The following WDPCP variants were observed in gnomAD, a reference collection of about 807,000 sequenced individuals.
The protein encoded by WDPCP is WD repeat containing planar cell polarity effector.
A neutral mutation model predicts 93.1 loss-of-function variants in WDPCP; 71 were observed. The ratio of observed to expected loss-of-function variants is 0.76; its 90% CI spans 0.63 to 0.93. The LOEUF (loss-of-function observed/expected upper bound fraction) is 0.93. WDPCP is among the 40% of genes least tolerant of loss of function. WDPCP has a pLI of 0.00. For synonymous variants in WDPCP, 315 were observed against 315.0 expected, an observed-to-expected ratio of 1.00 and a Z score of 0.00; for missense variants, 844 against 887.4, an observed-to-expected ratio of 0.95 and a Z score of 0.62.
intron 6 of WDPCP, among the ~76,000 whole-genome samples, chr2:63,483,777 A>C (rs1360858156): frequency 6.6e-6 from 1 of 151,982 alleles, no homozygotes; most frequent in Non-Finnish European, 1.5e-5. Context: ...TCAATTCCAC[A>C]GATGACTAAT....
intron 6 of WDPCP, among the ~76,000 whole-genome samples, chr2:63,467,279 A>T (rs1035055902): frequency 2.6e-5 from 4 of 151,972 alleles, no homozygotes; most frequent in African/African-American, 9.7e-5. Flanking sequence ...CAGGAGTTTG[A>T]GAGCAGCCTG....
intron 2 of WDPCP, among the ~76,000 whole-genome samples, chr2:63,750,446 C>G (rs1028477587): frequency 4.0e-5 from 6 of 151,852 alleles, no homozygotes; most frequent in Non-Finnish European, 7.4e-5. Context: ...AAAAAAAAAC[C>G]TGAATACAGA....
intron 2 of WDPCP, among the ~76,000 whole-genome samples, chr2:63,681,225 A>G (rs1405668443): frequency 2.6e-5 from 4 of 152,154 alleles, no homozygotes; most frequent in Admixed American, 2.6e-4. Flanking sequence ...GACGTACAGC[A>G]CCAACAGGGC....
At chr2:63,349,756 C>T (rs184217401) in intron 12 of WDPCP, among the ~76,000 whole-genome samples, 38 of 152,206 alleles carry the variant, frequency 2.5e-4, no homozygotes, top group East Asian at 7.7e-4. Context: ...AATACCTTTA[C>T]GAAAAGGGAG....
chr2:63,316,920 A>C (rs1407838083), intron 12 of WDPCP, among the ~76,000 whole-genome samples: 1 of 152,182 alleles, frequency 6.6e-6, no homozygotes, highest in African/African-American at 2.4e-5. Context: ...CTGAGAGCCA[A>C]ATCAAGAATG....
intron 2 of WDPCP, among the ~76,000 whole-genome samples, chr2:63,701,287 A>G (rs184639102): frequency 2.6e-5 from 4 of 152,326 alleles, no homozygotes; most frequent in Admixed American, 2.6e-4. Flanking sequence ...AGAGAAATGC[A>G]AATCAAAATC....
intron 1 of WDPCP, among the ~76,000 whole-genome samples, chr2:63,504,444 C>T (rs568453833): frequency 6.6e-6 from 1 of 151,554 alleles, no homozygotes. Context: ...CCATGTATCT[C>T]CTCTCCCATA....
Position 63,154,477 on chromosome 2 carries a change from C to G in WDPCP, c.2079-903G>C, listed in dbSNP as rs181068749. Among the ~76,000 whole-genome samples the G allele has an allele frequency of 6.8e-4, 103 of 152,226 alleles. 1 individual carries two copies. The highest frequency in any genetic ancestry group is 2.4e-3 in the African/African-American group (98 of 41,550). The stretch of plus-strand genomic sequence containing the variant: ...TTCATCCAAGTTGTTAAACGTGTAT[C>G]AATGGTTCACTGCTTTTTATTGCTG... On this transcript the variant is annotated intron_variant, in intron 15 of 17. Coordinates refer to ENST00000272321, the MANE Select transcript of WDPCP (RefSeq NM_015910.7).
rs1038432477 is a variant in WDPCP, at chr2:63,334,645, C to T, written c.1749-21334G>A. Among the ~76,000 whole-genome samples the T allele has an allele frequency of 1.1e-4, 17 of 152,224 alleles. No individual in the cohort carries two copies. The East Asian group carries it at 3.3e-3, about 30-fold the overall frequency. Reference sequence around the variant, plus strand: ...AAGCAGTTCCCAGCTTGACTTTTCCCTTTAGCTTAGTGAGTTTGGGGCCCC... The same window carrying T: ...AAGCAGTTCCCAGCTTGACTTTTCCTTTTAGCTTAGTGAGTTTGGGGCCCC... On this transcript the variant is annotated intron_variant, in intron 12 of 17. Coordinates refer to ENST00000272321, the MANE Select transcript of WDPCP (RefSeq NM_015910.7).
At chr2:63,489,067 A>G (rs1700725602) in intron 2 of WDPCP, among the ~76,000 whole-genome samples, 1 of 152,108 alleles carries the variant, frequency 6.6e-6, no homozygotes, top group Non-Finnish European at 1.5e-5. Context: ...ATTAGAGGCT[A>G]AACAAGGTAA....
intron 12 of WDPCP, among the ~76,000 whole-genome samples, chr2:63,348,976 T>C (rs537641710): frequency 6.6e-6 from 1 of 152,298 alleles, no homozygotes; most frequent in East Asian, 1.9e-4. Context: ...TAGTGAGATG[T>C]CCATAGAAGT....
At chr2:63,275,176 CAG>C (rs1377024140) in intron 13 of WDPCP, among the ~76,000 whole-genome samples, 2 of 151,970 alleles carry the variant, frequency 1.3e-5, no homozygotes, top group Non-Finnish European at 2.9e-5. Context: ...CGATAAAAAA[CAG>C]AATGAAGGAC....
In WDPCP at chr2:63,542,681, T is replaced by G. The variant is rs1704834507; in HGVS notation, c.75+45516A>C. ...TTAATTACATGTTTCATTCCAAAAG[T>G]TTCAAAGGAAACTTAAAATAAATTT... On this transcript the variant is annotated intron_variant, in intron 1 of 17. Transcript: ENST00000272321. 2.0e-5 allele frequency among the ~76,000 whole-genome samples: 3 copies of G among 152,158 alleles called. No individual in the cohort carries two copies. In the South Asian group the frequency reaches 6.2e-4, roughly 31 times the overall value.
chr2:63,770,232 C>A (rs1389168387), intron 2 of WDPCP, among the ~76,000 whole-genome samples: 2 of 151,928 alleles, frequency 1.3e-5, no homozygotes, highest in African/African-American at 4.8e-5. Context: ...CCACCCTGAA[C>A]GTGTCCAATC....
chr2:63,491,483 T>A (rs1472325866), intron 2 of WDPCP, among the ~76,000 whole-genome samples: 2 of 152,196 alleles, frequency 1.3e-5, no homozygotes, highest in African/African-American at 4.8e-5. Flanking sequence ...TTCTCGGGTC[T>A]TGCAGTCATT....
At chr2:63,156,786 A>G (rs565954965) in intron 15 of WDPCP, among the ~76,000 whole-genome samples, 5 of 152,306 alleles carry the variant, frequency 3.3e-5, no homozygotes, top group African/African-American at 1.2e-4. Flanking sequence ...TGTTGACCAT[A>G]TATCTTGTGA....
intron 3 of WDPCP, among the ~76,000 whole-genome samples, chr2:63,629,710 A>G (rs1709844854): frequency 6.6e-6 from 1 of 152,164 alleles, no homozygotes; most frequent in Non-Finnish European, 1.5e-5. Context: ...GGAGCCCTCA[A>G]CCCCACTTGG....
intron 2 of WDPCP, among the ~76,000 whole-genome samples, chr2:63,737,309 C>T (rs989050469): frequency 2.0e-5 from 3 of 152,136 alleles, no homozygotes; most frequent in Non-Finnish European, 4.4e-5. Context: ...GCTGCTGGCA[C>T]CAATATTCAT....
chr2:63,248,331 G>T (rs1379315033), intron 14 of WDPCP, among the ~76,000 whole-genome samples: 2 of 152,118 alleles, frequency 1.3e-5, no homozygotes, highest in Non-Finnish European at 2.9e-5. Flanking sequence ...TCATTATTGA[G>T]AATCCCTTGT....
Sources: allele counts gnomAD v4.1 joint callset (sites outside exome capture counted in the v4.1 genomes callset), GRCh38; gene constraint gnomAD v4.1.1; transcripts MANE v1.5; gene names NCBI Gene and HGNC (gene_info 2026-07-23, HGNC 2026-07-21).